The following SLCO1B1 variants were observed in gnomAD, a reference collection of about 807,000 sequenced individuals.
The protein encoded by SLCO1B1 is OATP-2.
A neutral mutation model predicts 70.1 loss-of-function variants in SLCO1B1; 81 were observed. The ratio of observed to expected loss-of-function variants is 1.16; its 90% CI spans 0.97 to 1.39. The LOEUF (loss-of-function observed/expected upper bound fraction) is 1.39, where lower values mean the gene tolerates loss of function less well. Among genes scored for constraint, SLCO1B1 ranks in the 40% most tolerant of loss-of-function variants. The pLI, the probability that SLCO1B1 is intolerant of heterozygous loss-of-function variation, is 0.00. For missense variants in SLCO1B1, 895 were observed against 799.6 expected (o/e 1.12, Z -1.44); for synonymous variants, 283 against 271.5 (o/e 1.04, Z -0.42).
intron 2 of SLCO1B1, among the ~76,000 whole-genome samples, chr12:21,171,147 G>A (rs1940751718): frequency 6.6e-6 from 1 of 152,208 alleles, no homozygotes; most frequent in African/African-American, 2.4e-5. Context: ...AAACCTCACT[G>A]TGAAAGTTCC....
At chr12:21,174,415 A>G (rs946992888) in intron 3 of SLCO1B1, among the ~76,000 whole-genome samples, 162 bp from the exon 4 acceptor site, 1 of 152,114 alleles carries the variant, frequency 6.6e-6, no homozygotes. Flanking sequence ...CAACTTTTCA[A>G]TGAGTGGTCT....
chr12:21,140,109 G>T (rs1019704828), intron 1 of SLCO1B1, among the ~76,000 whole-genome samples: 1 of 152,010 alleles, frequency 6.6e-6, no homozygotes, highest in Non-Finnish European at 1.5e-5. Context: ...GTGACCAGAG[G>T]CAGACAGGCA....
intron 2 of SLCO1B1, among the ~76,000 whole-genome samples, chr12:21,162,935 T>G (rs958473622): frequency 4.6e-5 from 7 of 152,336 alleles, no homozygotes; most frequent in Admixed American, 4.6e-4. Context: ...GAAAGTGGTG[T>G]GAAGTTATTT....
At chr12:21,177,257 G>C (rs1057249998) in intron 5 of SLCO1B1, among the ~76,000 whole-genome samples, 1 of 152,028 alleles carries the variant, frequency 6.6e-6, no homozygotes, top group Non-Finnish European at 1.5e-5. Flanking sequence ...AATATACCAA[G>C]GGATGACTGT....
chr12:21,236,980 A>C (rs537549696), intron 14 of SLCO1B1, among the ~76,000 whole-genome samples: 1 of 152,260 alleles, frequency 6.6e-6, no homozygotes, highest in East Asian at 1.9e-4. Flanking sequence ...CCTTTAACAA[A>C]CTCAGTCTTT....
chr12:21,238,524 A>G (rs866695886), intron 14 of SLCO1B1, among the ~76,000 whole-genome samples: 2 of 151,544 alleles, frequency 1.3e-5, no homozygotes, highest in African/African-American at 4.9e-5. Context: ...ACAGTTAAGC[A>G]TAATGCATTA....
intron 2 of SLCO1B1, among the ~76,000 whole-genome samples, chr12:21,145,443 G>A (rs1005114780): frequency 3.4e-5 from 5 of 146,504 alleles, no homozygotes; most frequent in African/African-American, 1.3e-4. Context: ...GGAACTACAG[G>A]CACATGCCAC....
chr12:21,225,736 C>T (rs1941475971), intron 14 of SLCO1B1, among the ~76,000 whole-genome samples: 1 of 152,082 alleles, frequency 6.6e-6, no homozygotes, highest in South Asian at 2.1e-4. Flanking sequence ...AAAAACCATC[C>T]AATGCTGGCA....
At chr12:21,139,180 T>C (rs1175545804) in intron 1 of SLCO1B1, among the ~76,000 whole-genome samples, 1 of 152,060 alleles carries the variant, frequency 6.6e-6, no homozygotes, top group Non-Finnish European at 1.5e-5. Context: ...ATATTTGCTA[T>C]TATATAATTT....
At chr12:21,222,565 A>C (rs1941441808) in intron 13 of SLCO1B1, among the ~76,000 whole-genome samples, 1 of 151,294 alleles carries the variant, frequency 6.6e-6, no homozygotes, top group Non-Finnish European at 1.5e-5. Flanking sequence ...ACAATAAGAG[A>C]CAGAGTAAAA....
At chr12:21,178,815 G>A in intron 6 of SLCO1B1, 93 bp downstream of exon 6, 1 of 1,374,426 alleles carries the variant, frequency 7.3e-7, no homozygotes, top group Admixed American at 1.7e-5. Context: ...TTACCTATTA[G>A]AACATATATT....
At chr12:21,163,137 A>G (rs372205493) in intron 2 of SLCO1B1, among the ~76,000 whole-genome samples, 149 of 152,298 alleles carry the variant, frequency 9.8e-4, no homozygotes, top group African/African-American at 3.5e-3. Flanking sequence ...AAGATGTGGT[A>G]TAAGCCAATA....
chr12:21,177,417 A>G (rs4149048), intron 5 of SLCO1B1, among the ~76,000 whole-genome samples: 47,637 of 152,002 alleles, frequency 0.31, 8,950 homozygotes, highest in African/African-American at 0.51. Context: ...AAGGCAAACT[A>G]TTATATCATT....
intron 7 of SLCO1B1, among the ~76,000 whole-genome samples, chr12:21,182,067 A>C (rs999228774): frequency 6.6e-6 from 1 of 152,184 alleles, no homozygotes. Flanking sequence ...ACATACTTCG[A>C]GCATATCTTT....
At chr12:21,183,461 G>A (rs1940929507) in intron 7 of SLCO1B1, among the ~76,000 whole-genome samples, 2 of 152,176 alleles carry the variant, frequency 1.3e-5, no homozygotes, top group Non-Finnish European at 2.9e-5. Flanking sequence ...CTGGCAAAGT[G>A]CTGGAATTAC....
chr12:21,184,237 C>A (rs12368356), intron 7 of SLCO1B1, among the ~76,000 whole-genome samples: 18,576 of 152,098 alleles, frequency 0.12, 1,512 homozygotes, highest in Non-Finnish European at 0.18. Context: ...ATGCAAATTC[C>A]TAAATTACAG....
At chr12:21,188,601 C>G (rs901495607) in intron 7 of SLCO1B1, among the ~76,000 whole-genome samples, 5 of 151,990 alleles carry the variant, frequency 3.3e-5, no homozygotes, top group Non-Finnish European at 5.9e-5. Context: ...AAGGTAGTTT[C>G]TCATGAATAG....
chr12:21,136,578 A>G (rs910142891), intron 1 of SLCO1B1, among the ~76,000 whole-genome samples: 1 of 151,826 alleles, frequency 6.6e-6, no homozygotes, highest in African/African-American at 2.4e-5. Context: ...CATTTCATTC[A>G]TTTCGTCTTC....
At chr12:21,157,407 ACTC>A (rs1488602646) in intron 2 of SLCO1B1, among the ~76,000 whole-genome samples, 1 of 152,084 alleles carries the variant, frequency 6.6e-6, no homozygotes, top group Non-Finnish European at 1.5e-5. Flanking sequence ...AGTAAAATGT[ACTC>A]CTATCTTGTG....
Sources: gnomAD v4.1 joint callset for allele counts (sites outside exome capture counted in the v4.1 genomes callset) on GRCh38, gnomAD v4.1.1 for gene constraint, MANE v1.5 for transcripts, NCBI Gene and HGNC (gene_info 2026-07-23, HGNC 2026-07-21) for gene names.